The following PBX1 variants were observed in gnomAD, a reference collection of about 807,000 sequenced individuals.
PBX1 encodes PBX homeobox 1.
Under a neutral mutation model 53.4 loss-of-function variants are expected in PBX1, and 6 were observed. The observed-to-expected ratio is 0.11, with a 90% CI of 0.06 to 0.22. The LOEUF (loss-of-function observed/expected upper bound fraction) is 0.22. Among genes scored for constraint, PBX1 ranks in the 10% least tolerant of loss-of-function variants. The probability of loss-of-function intolerance (pLI) is 1.00; values close to 1 mark genes in which losing one functional copy is unlikely to be tolerated. For synonymous variants in PBX1, 204 were observed against 212.3 expected, an observed-to-expected ratio of 0.96 and a Z score of 0.34; for missense variants, 251 against 551.4, an observed-to-expected ratio of 0.46 and a Z score of 5.46.
At chr1:164,701,296 A>G (rs1242283807) in intron 2 of PBX1, among the ~76,000 whole-genome samples, 3 of 152,168 alleles carry the variant, frequency 2.0e-5, no homozygotes, top group African/African-American at 7.2e-5. Flanking sequence ...ACACAATGCC[A>G]TTTTTTGAAC....
chr1:164,685,771 G>T (rs1389443363), intron 2 of PBX1, among the ~76,000 whole-genome samples: 1 of 152,236 alleles, frequency 6.6e-6, no homozygotes, highest in East Asian at 1.9e-4. Context: ...CACACAGCTA[G>T]TGAGAGAAAA....
At chr1:164,573,090 A>G (rs2101717147) in intron 2 of PBX1, among the ~76,000 whole-genome samples, 1 of 152,262 alleles carries the variant, frequency 6.6e-6, no homozygotes, top group East Asian at 1.9e-4. Context: ...AAATTTAATG[A>G]TTTACATTTT....
At chr1:164,630,423 G>T (rs768284601) in intron 2 of PBX1, among the ~76,000 whole-genome samples, 6 of 152,062 alleles carry the variant, frequency 3.9e-5, no homozygotes, top group Non-Finnish European at 8.8e-5. Flanking sequence ...TTTGACTAGT[G>T]GTTATGCTGT....
chr1:164,677,024 A>T (rs1661468766), intron 2 of PBX1, among the ~76,000 whole-genome samples: 2 of 151,650 alleles, frequency 1.3e-5, no homozygotes, highest in Admixed American at 6.6e-5. Flanking sequence ...ACATGATTCC[A>T]GGCAAGTCCC....
At chr1:164,600,642 C>T (rs1172925744) in intron 2 of PBX1, among the ~76,000 whole-genome samples, 1 of 152,196 alleles carries the variant, frequency 6.6e-6, no homozygotes, top group Non-Finnish European at 1.5e-5. Context: ...TGAGGCAGCC[C>T]CATGCCTGTT....
chr1:164,641,424 G>T, intron 2 of PBX1: 1 of 153,242 alleles, frequency 6.5e-6, no homozygotes. Context: ...TTCCTGCTTC[G>T]GACATGCTTT....
intron 2 of PBX1, among the ~76,000 whole-genome samples, chr1:164,654,934 G>A (rs981417779): frequency 6.6e-5 from 10 of 152,172 alleles, no homozygotes; most frequent in Non-Finnish European, 1.5e-4. Flanking sequence ...TCACAGAGGG[G>A]AGCACAGCAT....
intron 2 of PBX1, among the ~76,000 whole-genome samples, chr1:164,783,774 C>A (rs1668041028): frequency 6.6e-6 from 1 of 151,996 alleles, no homozygotes; most frequent in Admixed American, 6.6e-5. Context: ...AAAGCTCGTG[C>A]CCATACTTAT....
Position 164,559,814 on chromosome 1 carries a change from C to A in PBX1, c.-9C>A. On this transcript the variant is annotated 5_prime_UTR_variant, in exon 1 of 9. Coordinates refer to ENST00000420696, the MANE Select transcript of PBX1 (RefSeq NM_002585.4). The stretch of plus-strand genomic sequence containing the variant: ...GAGGAAGAGCCGGGGGCTGCCGTAG[C>A]CTTTGGAGATGGACGAGCAGCCCAG... The A allele has an allele frequency of 3.9e-6, 6 of 1,542,594 alleles. No individual in the cohort carries two copies. The highest frequency in any genetic ancestry group is 5.2e-6 in the Non-Finnish European group (6 of 1,143,312).
At chr1:164,590,622 A>G (rs369816965) in intron 2 of PBX1, among the ~76,000 whole-genome samples, 24 of 152,272 alleles carry the variant, frequency 1.6e-4, no homozygotes, top group South Asian at 8.3e-4. Context: ...AGTGGACTAT[A>G]TATGACTCCC....
At chr1:164,580,235 T>C (rs1368886304) in intron 2 of PBX1, among the ~76,000 whole-genome samples, 1 of 152,232 alleles carries the variant, frequency 6.6e-6, no homozygotes, top group African/African-American at 2.4e-5. Flanking sequence ...GCTTATTTCC[T>C]GATTTTCATT....
chr1:164,590,931 G>A (rs1450002496), intron 2 of PBX1, among the ~76,000 whole-genome samples: 2 of 152,128 alleles, frequency 1.3e-5, no homozygotes, highest in Admixed American at 6.5e-5. Context: ...TGCAACCTCC[G>A]CTTCCTGGGC....
chr1:164,763,438 C>T (rs1339158113), intron 2 of PBX1, among the ~76,000 whole-genome samples: 1 of 152,208 alleles, frequency 6.6e-6, no homozygotes, highest in East Asian at 1.9e-4. Context: ...CCACTTGTAT[C>T]CCATCAGTTA....
At chr1:164,650,542 A>T (rs6426873) in intron 2 of PBX1, among the ~76,000 whole-genome samples, 75,666 of 151,868 alleles carry the variant, frequency 0.5, 19,207 homozygotes, top group Admixed American at 0.55. Flanking sequence ...GCTACTTTCT[A>T]TTGGAAGAGA....
intron 2 of PBX1, among the ~76,000 whole-genome samples, chr1:164,576,205 GATA>G (rs1428922548): frequency 6.6e-6 from 1 of 152,238 alleles, no homozygotes; most frequent in Non-Finnish European, 1.5e-5. Context: ...TTTCAGAAAG[GATA>G]ATGATGATGC....
At chr1:164,602,390 T>C (rs1239299171) in intron 2 of PBX1, among the ~76,000 whole-genome samples, 1 of 152,212 alleles carries the variant, frequency 6.6e-6, no homozygotes, top group Non-Finnish European at 1.5e-5. Context: ...GGTCTCTACT[T>C]AAGCACTCAA....
intron 3 of PBX1, among the ~76,000 whole-genome samples, chr1:164,799,054 C>G (rs1211453644): frequency 6.6e-6 from 1 of 152,122 alleles, no homozygotes. Flanking sequence ...CCCAAACTCT[C>G]TTTGGCTGTT....
chr1:164,734,768 G>C (rs867493957), intron 2 of PBX1, among the ~76,000 whole-genome samples: 15 of 152,260 alleles, frequency 9.9e-5, no homozygotes, highest in African/African-American at 2.4e-4. Context: ...AGCATGCAAG[G>C]GGGGAGGAAT....
intron 2 of PBX1, among the ~76,000 whole-genome samples, chr1:164,868,949 G>T (rs1296486412): frequency 6.6e-6 from 1 of 152,214 alleles, no homozygotes; most frequent in African/African-American, 2.4e-5. Context: ...CTCCAAGCAG[G>T]TTCAGGGCCC....
Sources: gnomAD v4.1 joint callset for allele counts (sites outside exome capture counted in the v4.1 genomes callset) on GRCh38, gnomAD v4.1.1 for gene constraint, MANE v1.5 for transcripts, NCBI Gene and HGNC (gene_info 2026-07-23, HGNC 2026-07-21) for gene names.